NSUN7: variants seen among roughly 807,000 people sequenced by gnomAD.
The protein encoded by NSUN7 is protein NSUN7.
In NSUN7, 39 loss-of-function variants were observed where a neutral mutation model predicts 58.5. The observed-to-expected ratio is 0.67, with a 90% CI of 0.52 to 0.87. The LOEUF (loss-of-function observed/expected upper bound fraction) is 0.87. Among genes scored for constraint, NSUN7 ranks in the 40% least tolerant of loss-of-function variants. The probability of loss-of-function intolerance (pLI) is 0.00; values close to 1 mark genes in which losing one functional copy is unlikely to be tolerated. For missense variants in NSUN7, 765 were observed against 844.1 expected (o/e 0.91, Z 1.16); for synonymous variants, 278 against 303.7 (o/e 0.92, Z 0.88).
intron 7 of NSUN7, among the ~76,000 whole-genome samples, chr4:40,789,566 AG>A (rs1320895077): frequency 3.2e-5 from 1 of 31,672 alleles, no homozygotes; most frequent in East Asian, 6.3e-4. Context: ...TCAAAATAAT[AG>A]GGGGCTGGGT....
chr4:40,758,676 T>C (rs1560545544), intron 2 of NSUN7, among the ~76,000 whole-genome samples: 1 of 151,514 alleles, frequency 6.6e-6, no homozygotes, highest in African/African-American at 2.4e-5. Context: ...AATACAAAGA[T>C]AATATTTTAA....
In NSUN7 at chr4:40,780,193, T is replaced by G. The variant is rs184793060; in HGVS notation, c.1036+3934T>G. On this transcript the variant is annotated intron_variant, in intron 7 of 11. Transcript: ENST00000381782. ...TGCTTGGTAGGCTGAGGCATGAGAA[T>G]CACTTGAACCCCAGACGCAGAGGTT... Among the ~76,000 whole-genome samples the G allele has an allele frequency of 2.5e-3, 375 of 152,166 alleles. 4 individuals carry two copies. Among genetic ancestry groups the G allele is most frequent in the Non-Finnish European group, 6.5e-4 (44 of 68,006 alleles).
intron 10 of NSUN7, 89 bp from the exon 11 acceptor site, chr4:40,806,972 C>T: frequency 7.4e-7 from 1 of 1,356,130 alleles, no homozygotes; most frequent in South Asian, 1.4e-5. Flanking sequence ...GTAAAGTATA[C>T]TAGAAAAAAA....
chr4:40,807,041 C>G lies in NSUN7; in HGVS notation c.1401-20C>G, dbSNP rs200264069. The G allele has an allele frequency of 9.0e-6, 14 of 1,549,374 alleles. No individual in the cohort carries two copies. The South Asian group carries it at 1.7e-4, about 19-fold the overall frequency. On this transcript the variant is annotated intron_variant, in intron 10 of 11. Coordinates refer to ENST00000381782, the MANE Select transcript of NSUN7 (RefSeq NM_024677.6). ...AAGAAGCCATTCTAACTGCTGAATG[C>G]TTGTTCCTGTCTGCTGCAGGCTTAG...
chr4:40,798,471 T>C (rs1280944466), intron 9 of NSUN7, among the ~76,000 whole-genome samples: 1 of 152,240 alleles, frequency 6.6e-6, no homozygotes, highest in Non-Finnish European at 1.5e-5. Context: ...ATATCGCTTG[T>C]AGAAGAATGG....
intron 4 of NSUN7, among the ~76,000 whole-genome samples, chr4:40,765,778 C>T (rs2154287080): frequency 6.6e-6 from 1 of 152,224 alleles, no homozygotes; most frequent in South Asian, 2.1e-4. Context: ...TTGTAATTCT[C>T]CTTGAAGAGG....
Position 40,808,918 on chromosome 4 carries a change from G to C in NSUN7, c.2136G>C (p.Arg712Ser). ...PKDDTPSSLL[R>S]PPRRWL Reference sequence around the variant, plus strand: ...ATGACACACCTTCCTCCCTACTCAGGCCTCCTCGGCGATGGCTTTGATTGT... The same window carrying C: ...ATGACACACCTTCCTCCCTACTCAGCCCTCCTCGGCGATGGCTTTGATTGT... The change falls in exon 12 of 12, where the codon AGG (arginine) becomes AGC (serine). Residue 712 changes from arginine (R) to serine (S), a missense_variant. Transcript: ENST00000381782. 1.3e-6 allele frequency: 2 copies of C among 1,525,246 alleles called. No homozygotes were observed. Among genetic ancestry groups the C allele is most frequent in the Non-Finnish European group, 1.8e-6 (2 of 1,137,312 alleles). The allele number at this position is 1,525,246 out of a possible 1,614,324, so 94.5% of individuals were successfully genotyped here.
At chr4:40,760,824 T>C (rs1046482659) in intron 3 of NSUN7, among the ~76,000 whole-genome samples, 1 of 144,944 alleles carries the variant, frequency 6.9e-6, no homozygotes, top group Admixed American at 7.1e-5. Context: ...ATTGCGCCAT[T>C]GCACTCCAGC....
At chr4:40,783,848 A>T (rs906509536) in intron 7 of NSUN7, among the ~76,000 whole-genome samples, 43 of 147,106 alleles carry the variant, frequency 2.9e-4, no homozygotes, top group Non-Finnish European at 3.5e-4. Context: ...AATCCATTTA[A>T]AAAAAAAAAA....
chr4:40,807,976 G>A (rs1311744818), intron 11 of NSUN7, among the ~76,000 whole-genome samples: 1 of 141,812 alleles, frequency 7.1e-6, no homozygotes, highest in Non-Finnish European at 1.5e-5. Context: ...GGAGGTGGAG[G>A]TTGCAGTGAG....
rs572220037 is a variant in NSUN7 at position 40,768,966 on chromosome 4, C to G, written c.489-5299C>G. On this transcript the variant is annotated intron_variant, in intron 4 of 11. Coordinates refer to ENST00000381782, the MANE Select transcript of NSUN7 (RefSeq NM_024677.6). ...TTAGTCAGTTCTTCTTCCAAACCAC[C>G]CCAAAACCATTTATTCTGATGTCTT... Among the ~76,000 whole-genome samples the G allele has an allele frequency of 3.3e-3, 506 of 152,266 alleles. 4 individuals carry two copies. The highest frequency in any genetic ancestry group is 0.012 in the African/African-American group (480 of 41,550).
rs1744256515 is a variant in NSUN7 at position 40,810,801 on chromosome 4, C to T, written c.*1862C>T. 6.6e-6 allele frequency: 1 copy of T among 152,074 alleles called. No homozygotes were observed. Among genetic ancestry groups the T allele is most frequent in the African/African-American group, 2.4e-5 (1 of 41,406 alleles). 9.4% of individuals were successfully genotyped at this position (152,074 alleles called of 1,614,324 possible). ...CGTGTGGCTCATCCTCTTATCCCACCCAGATTTCTATCTGGTTGGTTAGGG... is the reference window on the plus strand; with the variant it reads ...CGTGTGGCTCATCCTCTTATCCCACTCAGATTTCTATCTGGTTGGTTAGGG... On this transcript the variant is annotated 3_prime_UTR_variant, in exon 12 of 12. Coordinates refer to ENST00000381782, the MANE Select transcript of NSUN7 (RefSeq NM_024677.6).
intron 7 of NSUN7, among the ~76,000 whole-genome samples, chr4:40,788,963 G>A (rs1380538458): frequency 6.6e-6 from 1 of 152,182 alleles, no homozygotes; most frequent in Admixed American, 6.5e-5. Context: ...GGAACTACTG[G>A]GGAGCCAGGC....
chr4:40,760,027 G>C (rs2437326), intron 2 of NSUN7, among the ~76,000 whole-genome samples: 116,599 of 152,102 alleles, frequency 0.77, 45,051 homozygotes, highest in Middle Eastern at 0.84. Context: ...GACAGAGCAA[G>C]ACTCTGTCTC....
In NSUN7 at chr4:40,798,834, G is replaced by A. The variant is rs754968051; in HGVS notation, c.1330G>A (p.Glu444Lys). 2 of 1,612,412 alleles carry A rather than the reference G, an allele frequency of 1.2e-6. No individual in the cohort carries two copies. Among genetic ancestry groups the A allele is most frequent in the Non-Finnish European group, 1.7e-6 (2 of 1,179,096 alleles). ...VVYCTCSVFP[E>K]ENEAVVKKAL... ...TTACTGCACATGTTCAGTTTTTCCA[G>A]AAGAAAATGAAGCTGTTGTTAAGAA... The change falls in exon 10 of 12, where the codon GAA becomes AAA. Residue 444 changes from glutamate (E) to lysine (K), a missense_variant. Physicochemically the swap from Glu to Lys is moderately conservative, Grantham distance 56. Coordinates refer to ENST00000381782, the MANE Select transcript of NSUN7 (RefSeq NM_024677.6).
Position 40,774,706 on chromosome 4 carries a change from T to A in NSUN7, c.642-61T>A, listed in dbSNP as rs557521578. The A allele has an allele frequency of 2.9e-6, 3 of 1,037,650 alleles. No homozygotes were observed. In the East Asian group the frequency reaches 7.3e-5, roughly 25 times the overall value. 64.3% of individuals were successfully genotyped at this position (1,037,650 alleles called of 1,614,324 possible). On this transcript the variant is annotated intron_variant, in intron 5 of 11. Transcript: ENST00000381782. Reference sequence around the variant, plus strand: ...CTTTGTTACAGGAAAAAGGTGTTAGTGTTAAGGACGTTTTTAATGTATTAT... The same window carrying A: ...CTTTGTTACAGGAAAAAGGTGTTAGAGTTAAGGACGTTTTTAATGTATTAT...
In NSUN7 at chr4:40,774,245, G is replaced by T. The variant is rs1353577012; in HGVS notation, c.489-20G>T. The T allele has an allele frequency of 6.2e-7, 1 of 1,611,954 alleles. No homozygotes were observed. Among genetic ancestry groups the T allele is most frequent in the South Asian group, 1.1e-5 (1 of 91,030 alleles). On this transcript the variant is annotated intron_variant, in intron 4 of 11. Coordinates refer to ENST00000381782, the MANE Select transcript of NSUN7 (RefSeq NM_024677.6). Reference sequence around the variant, plus strand: ...CTTGTCTCAAATGCAATAGATTAAGGATGGATTTTCTGTCTCTAGTTTTAA... The same window carrying T: ...CTTGTCTCAAATGCAATAGATTAAGTATGGATTTTCTGTCTCTAGTTTTAA...
chr4:40,768,595 C>A (rs571806059), intron 4 of NSUN7, among the ~76,000 whole-genome samples: 37 of 152,222 alleles, frequency 2.4e-4, no homozygotes, highest in African/African-American at 8.4e-4. Flanking sequence ...TGTTGTTGTT[C>A]CTCCTGGGAA....
At chr4:40,780,993 T>C (rs1159919009) in intron 7 of NSUN7, among the ~76,000 whole-genome samples, 1 of 151,040 alleles carries the variant, frequency 6.6e-6, no homozygotes, top group Admixed American at 6.6e-5. Context: ...ATTTTTTGTA[T>C]TTTTTTAGTA....
Sources: allele counts gnomAD v4.1 joint callset (sites outside exome capture counted in the v4.1 genomes callset), GRCh38; gene constraint gnomAD v4.1.1; transcripts MANE v1.5; gene names NCBI Gene and HGNC (gene_info 2026-07-23, HGNC 2026-07-21).